Variants in ZDHHC17 observed in about 807,000 individuals in gnomAD.
The protein encoded by ZDHHC17 is palmitoyltransferase ZDHHC17.
A neutral mutation model predicts 90.3 loss-of-function variants in ZDHHC17; 40 were observed. That is an observed-to-expected ratio of 0.44 (90% confidence interval 0.34 to 0.58). ZDHHC17 has a LOEUF of 0.58. Among genes scored for constraint, ZDHHC17 ranks in the 20% least tolerant of loss-of-function variants. The pLI is 0.01. For synonymous variants in ZDHHC17, 235 were observed against 252.4 expected, an observed-to-expected ratio of 0.93 and a Z score of 0.65; for missense variants, 614 against 780.8, an observed-to-expected ratio of 0.79 and a Z score of 2.55.
chr12:76,841,496 A>G (rs1953434287), intron 10 of ZDHHC17, among the ~76,000 whole-genome samples: 1 of 152,198 alleles, frequency 6.6e-6, no homozygotes, highest in Admixed American at 6.5e-5. Context: ...AAATGTGAAC[A>G]TATAAACTAT....
At chr12:76,787,320 C>T (rs1030973815) in intron 1 of ZDHHC17, among the ~76,000 whole-genome samples, 2 of 152,154 alleles carry the variant, frequency 1.3e-5, no homozygotes, top group African/African-American at 4.8e-5. Flanking sequence ...AATCGAGAAT[C>T]TCCAATGAAA....
intron 10 of ZDHHC17, among the ~76,000 whole-genome samples, chr12:76,838,088 G>C (rs1336389364): frequency 6.6e-6 from 1 of 151,158 alleles, no homozygotes; most frequent in African/African-American, 2.4e-5. Context: ...ATCTCAGTCT[G>C]TTTTTTTTCT....
chr12:76,797,452 C>A lies in ZDHHC17; in HGVS notation c.112C>A (p.His38Asn). 1 of 1,606,790 alleles carries A rather than the reference C, an allele frequency of 6.2e-7. No homozygotes were observed. ...LHPEEIKPQS[H>N]YNHGYGEPLG... Reference sequence around the variant, plus strand: ...TTAACAGGAAATCAAACCCCAAAGCCATTATAACCATGGATATGGTGAACC... The same window carrying A: ...TTAACAGGAAATCAAACCCCAAAGCAATTATAACCATGGATATGGTGAACC... Residue 38 changes from histidine (H) to asparagine (N), a missense_variant, in exon 2 of 17, where the codon CAT becomes AAT. Transcript: ENST00000426126.
chr12:76,837,813 TATTATC>T (rs1214841497), intron 10 of ZDHHC17, among the ~76,000 whole-genome samples: 2 of 152,106 alleles, frequency 1.3e-5, no homozygotes, highest in Non-Finnish European at 1.5e-5. Context: ...TACTCTTTAT[TATTATC>T]ATTATTATTA....
chr12:76,770,662 G>C (rs1194810310), intron 1 of ZDHHC17, among the ~76,000 whole-genome samples: 7 of 152,194 alleles, frequency 4.6e-5, no homozygotes, highest in Admixed American at 3.9e-4. Context: ...TGCTGGCCGG[G>C]CTTGGTGGCT....
Position 76,764,280 on chromosome 12 carries a change from C to T in ZDHHC17, c.44C>T (p.Pro15Leu), listed in dbSNP as rs868611719. 5 of 1,607,254 alleles carry T rather than the reference C, an allele frequency of 3.1e-6. No homozygotes were observed. In the Admixed American group the frequency reaches 5.1e-5, roughly 16 times the overall value. Residue 15 changes from proline to leucine, a missense_variant, in exon 1 of 17, where the codon CCG becomes CTG. By Grantham distance (98) the Pro-to-Leu change is moderately conservative. Coordinates refer to ENST00000426126, the MANE Select transcript of ZDHHC17 (RefSeq NM_015336.4). ...TTTAACACCAAGATGGCGGACGGCC[C>T]GGATGAGTACGATACCGAAGCGGGC... is the stretch of plus-strand genomic sequence containing the variant. The part of the protein sequence containing the change: ...EGFNTKMADG[P>L]DEYDTEAGCV...
rs1381510975 is a variant in ZDHHC17 at position 76,764,171 on chromosome 12, G to C, written c.-66G>C. 6 of 1,274,862 alleles carry C rather than the reference G, an allele frequency of 4.7e-6. No homozygotes were observed. In the East Asian group the frequency reaches 8.1e-5, roughly 17 times the overall value. The allele number at this position is 1,274,862 out of a possible 1,614,324, so 79.0% of individuals were successfully genotyped here. A position where few individuals can be genotyped will look rare whatever the true frequency, so the allele number is the denominator to read the frequency against. On this transcript the variant is annotated 5_prime_UTR_variant, in exon 1 of 17. Transcript: ENST00000426126. Reference sequence around the variant, plus strand: ...GCCCGCGTCGCCTCCGGCGGGGCTCGCGCTCGCCCCGCGCTCGCCCTCCGC... The same window carrying C: ...GCCCGCGTCGCCTCCGGCGGGGCTCCCGCTCGCCCCGCGCTCGCCCTCCGC...
At chr12:76,834,590 A>G (rs1321227472) in intron 10 of ZDHHC17, among the ~76,000 whole-genome samples, 1 of 152,158 alleles carries the variant, frequency 6.6e-6, no homozygotes, top group Non-Finnish European at 1.5e-5. Context: ...TTTAATGTCT[A>G]TCTTCAGTTA....
At position 76,842,929 on chromosome 12, in the gene ZDHHC17, A is replaced by C; in HGVS notation, c.1277A>C (p.Glu426Ala). The C allele has an allele frequency of 5.0e-6, 8 of 1,610,262 alleles. No individual in the cohort carries two copies. The highest frequency in any genetic ancestry group is 6.8e-6 in the Non-Finnish European group (8 of 1,177,746). Residue 426 changes from glutamate (E) to alanine (A), a missense_variant, in exon 12 of 17, where the codon GAA (glutamate) becomes GCA (alanine). Glu to Ala is a moderately radical substitution (Grantham distance 107, BLOSUM62 -1). This residue lies in a region of ZDHHC17 where 117 missense variants were observed against 183.6 expected (regional missense o/e 0.64). Transcript: ENST00000426126. Reference protein sequence around the residue: ...TEEQKKKTIVELAETGSLDLS... With the variant: ...TEEQKKKTIVALAETGSLDLS... ...TTTTTTAATTCACAGACAATAGTTG[A>C]ACTTGCAGAGACAGGAAGTCTGGAC...
intron 8 of ZDHHC17, among the ~76,000 whole-genome samples, chr12:76,824,127 A>G (rs1031464079): frequency 2.0e-5 from 3 of 152,148 alleles, no homozygotes; most frequent in Non-Finnish European, 4.4e-5. Context: ...AATGACTTAC[A>G]AATTTTAGAT....
At chr12:76,807,839 A>T (rs1952973323) in intron 3 of ZDHHC17, among the ~76,000 whole-genome samples, 1 of 152,206 alleles carries the variant, frequency 6.6e-6, no homozygotes, top group African/African-American at 2.4e-5. Context: ...ATCATTTCCT[A>T]CGAGAGTGGT....
intron 1 of ZDHHC17, among the ~76,000 whole-genome samples, chr12:76,770,985 A>G (rs868304266): frequency 1.3e-5 from 2 of 151,956 alleles, no homozygotes; most frequent in East Asian, 1.9e-4. Flanking sequence ...ACAATTACAT[A>G]ATCCGAAAAG....
chr12:76,813,306 G>T, intron 5 of ZDHHC17: 2 of 436,820 alleles, frequency 4.6e-6, no homozygotes, highest in Admixed American at 2.6e-5. Flanking sequence ...TTTTTTTTAA[G>T]CCACAGGATT....
At chr12:76,830,820 AC>A in intron 10 of ZDHHC17, among the ~76,000 whole-genome samples, 1 of 152,346 alleles carries the variant, frequency 6.6e-6, no homozygotes, top group Non-Finnish European at 1.5e-5. Flanking sequence ...TCAGTAACTT[AC>A]CAAATAATGA....
At chr12:76,838,499 T>C (rs1953396009) in intron 10 of ZDHHC17, among the ~76,000 whole-genome samples, 1 of 152,200 alleles carries the variant, frequency 6.6e-6, no homozygotes, top group South Asian at 2.1e-4. Context: ...AGTGTTACAG[T>C]TTGGCTAAAT....
chr12:76,824,593 GT>G (rs1953208110), intron 8 of ZDHHC17, among the ~76,000 whole-genome samples: 2 of 151,970 alleles, frequency 1.3e-5, no homozygotes, highest in Non-Finnish European at 2.9e-5. Context: ...ACTCAATAGT[GT>G]TTTATTTTAA....
intron 9 of ZDHHC17, among the ~76,000 whole-genome samples, chr12:76,827,592 T>G (rs1307295861): frequency 6.6e-6 from 1 of 152,118 alleles, no homozygotes; most frequent in East Asian, 1.9e-4. Context: ...AAGTTACCTA[T>G]CCAACAAACC....
intron 1 of ZDHHC17, among the ~76,000 whole-genome samples, chr12:76,787,788 AT>A (rs1481779148): frequency 1.3e-5 from 2 of 152,256 alleles, no homozygotes; most frequent in Admixed American, 1.3e-4. Context: ...TATACTAGTT[AT>A]AACCAGCTCC....
Position 76,771,353 on chromosome 12 carries a change from G to T in ZDHHC17, c.93+7024G>T, listed in dbSNP as rs1279119921. ...AATTAAACAATACTTTTTTGTTTTT[G>T]TTTCAATTCCTGTTGCAAATTTGCC... On this transcript the variant is annotated intron_variant, in intron 1 of 16. Transcript: ENST00000426126. Among the ~76,000 whole-genome samples the T allele has an allele frequency of 3.3e-5, 5 of 151,926 alleles. No homozygotes were observed. In the East Asian group the frequency reaches 7.7e-4, roughly 23 times the overall value.
Sources: allele counts gnomAD v4.1 joint callset (sites outside exome capture counted in the v4.1 genomes callset), GRCh38; gene constraint gnomAD v4.1.1; regional missense constraint gnomAD v4.1.1; transcripts MANE v1.5; gene names NCBI Gene and HGNC (gene_info 2026-07-23, HGNC 2026-07-21).